The following NYAP1 variants were observed in gnomAD, a reference collection of about 807,000 sequenced individuals.
The protein encoded by NYAP1 is neuronal tyrosine-phosphorylated phosphoinositide-3-kinase adapter 1.
A neutral mutation model predicts 58.6 loss-of-function variants in NYAP1; 20 were observed. That is an observed-to-expected ratio of 0.34 (90% CI 0.24 to 0.50). The LOEUF (loss-of-function observed/expected upper bound fraction) is 0.50, where lower values mean the gene tolerates loss of function less well. Among genes scored for constraint, NYAP1 ranks in the 20% least tolerant of loss-of-function variants. The pLI, the probability that NYAP1 is intolerant of heterozygous loss-of-function variation, is 0.98. For synonymous variants in NYAP1, 572 were observed against 523.1 expected (o/e 1.09, Z -1.27); for missense variants, 1,150 against 1,194.5 (o/e 0.96, Z 0.55).
At position 100,486,882 on chromosome 7, in the gene NYAP1, G is replaced by C. The variant is rs1289997223; in HGVS notation, c.130G>C (p.Val44Leu). Reference protein sequence around the residue: ...AGPAAGQGPGVRVRDIASLRR... With the variant: ...AGPAAGQGPGLRVRDIASLRR... ...GCCCGCGGCCGGCCAGGGGCCTGGG[G>C]TCCGCGTGCGGGACATCGCCTCGCT... The change falls in exon 3 of 7, where the codon GTC (valine) becomes CTC (leucine). Residue 44 changes from valine to leucine, a missense_variant. Coordinates refer to ENST00000300179, the MANE Select transcript of NYAP1 (RefSeq NM_173564.4). This position sits in a 1 kb window ranked among gnomAD's most constrained non-coding sequence, Gnocchi z 6.2. 1 of 1,560,230 alleles carries C rather than the reference G, an allele frequency of 6.4e-7. No individual in the cohort carries two copies. Among genetic ancestry groups the C allele is most frequent in the Non-Finnish European group, 8.6e-7 (1 of 1,156,688 alleles).
rs1799786851 is a variant in NYAP1, at chr7:100,490,889, CA to C, written c.2159-96del. Reference sequence around the variant, plus strand: ...CACCCCTTTTTCCCTTCTGATGAGGCAGGGGCAGCCTGGACCATTCAAGGGC... The same window carrying C: ...CACCCCTTTTTCCCTTCTGATGAGGCGGGGCAGCCTGGACCATTCAAGGGC... On this transcript the variant is annotated intron_variant, in intron 5 of 6. Coordinates refer to ENST00000300179, the MANE Select transcript of NYAP1 (RefSeq NM_173564.4). The surrounding 1 kb of genome is among the most constrained non-coding windows in gnomAD (Gnocchi z 4.6). 9.3e-7 allele frequency: 1 copy of C among 1,070,934 alleles called. No individual in the cohort carries two copies. The highest frequency in any genetic ancestry group is 1.3e-6 in the Non-Finnish European group (1 of 745,556). 66.3% of individuals were successfully genotyped at this position (1,070,934 alleles called of 1,614,324 possible).
chr7:100,488,054 A>C lies in NYAP1; in HGVS notation c.431-98A>C. 2.5e-6 allele frequency: 2 copies of C among 813,762 alleles called. No individual in the cohort carries two copies. Among genetic ancestry groups the C allele is most frequent in the Non-Finnish European group, 3.9e-6 (2 of 515,546 alleles). 50.4% of individuals were successfully genotyped at this position (813,762 alleles called of 1,614,324 possible). ...ATGTGGGGAAAAGGAAGAGGCAGAT[A>C]TGTCCTTGCAGAAGGGTCAAGGGAT... On this transcript the variant is annotated intron_variant, in intron 3 of 6. Coordinates refer to ENST00000300179, the MANE Select transcript of NYAP1 (RefSeq NM_173564.4). This position sits in a 1 kb window ranked among gnomAD's most constrained non-coding sequence, Gnocchi z 5.9.
Position 100,493,656 on chromosome 7 carries a change from C to T in NYAP1, c.2279C>T (p.Ala760Val), listed in dbSNP as rs758735867. Residue 760 changes from alanine (A) to valine (V), a missense_variant, in exon 7 of 7, where the codon GCG becomes GTG. Physicochemically the swap from Ala to Val is moderately conservative, Grantham distance 64 (BLOSUM62 0). Transcript: ENST00000300179. ...PRDALSQPHP[A>V]LPLPLPLPPQ... ...CCGCCCGCGGCACAGCCCCACCCCG[C>T]GCTGCCGCTGCCTCTGCCCCTGCCG... is the stretch of plus-strand genomic sequence containing the variant. 3.2e-6 allele frequency: 5 copies of T among 1,579,708 alleles called. No homozygotes were observed. The highest frequency in any genetic ancestry group is 3.4e-6 in the Non-Finnish European group (4 of 1,169,010).
Position 100,488,375 on chromosome 7 carries a change from G to C in NYAP1, c.654G>C (p.Glu218Asp). The change falls in exon 4 of 7, where the codon GAG (glutamate) becomes GAC (aspartate). Residue 218 changes from glutamate (E) to aspartate (D), a missense_variant. By Grantham distance (45) the Glu-to-Asp change is conservative. Coordinates refer to ENST00000300179, the MANE Select transcript of NYAP1 (RefSeq NM_173564.4). This position sits in a 1 kb window ranked among gnomAD's most constrained non-coding sequence, Gnocchi z 5.9. Reference protein sequence around the residue: ...VGAQEEPVYIEMVGDVFRGGG... With the variant: ...VGAQEEPVYIDMVGDVFRGGG... ...CCCAGGAAGAGCCTGTGTACATTGA[G>C]ATGGTGGGGGACGTCTTTAGGGGAG... The C allele has an allele frequency of 1.3e-6, 2 of 1,599,270 alleles. No homozygotes were observed. Among genetic ancestry groups the C allele is most frequent in the Non-Finnish European group, 1.7e-6 (2 of 1,173,888 alleles).
rs770336195 is a variant in NYAP1 at position 100,489,031 on chromosome 7, G to A, written c.1310G>A (p.Gly437Glu). 2.6e-6 allele frequency: 4 copies of A among 1,548,576 alleles called. No individual in the cohort carries two copies. The highest frequency in any genetic ancestry group is 3.9e-5 in the Admixed American group (2 of 50,756). Reference sequence around the variant, plus strand: ...AGCATGATCTGCCCTAAGGCGGCGGGGGCGCCGGCAGCCCCCCCTGCCCCG... The same window carrying A: ...AGCATGATCTGCCCTAAGGCGGCGGAGGCGCCGGCAGCCCCCCCTGCCCCG... ...SHSMICPKAA[G>E]APAAPPAPAA... Residue 437 changes from glycine (G) to glutamate (E), a missense_variant, in exon 4 of 7, where the codon GGG becomes GAG. Gly to Glu is a moderately conservative substitution (Grantham distance 98). Transcript: ENST00000300179.
chr7:100,489,066 C>T lies in NYAP1; in HGVS notation c.1345C>T (p.Leu449Phe). The change falls in exon 4 of 7, where the codon CTC becomes TTC. Residue 449 changes from leucine (L) to phenylalanine (F), a missense_variant. By Grantham distance (22) the Leu-to-Phe change is conservative. Transcript: ENST00000300179. ...AGCCCCCCCTGCCCCGGCCGCCTTGCTCCCCGGCCCCCCCAAGGACAAGGC... is the reference window on the plus strand; with the variant it reads ...AGCCCCCCCTGCCCCGGCCGCCTTGTTCCCCGGCCCCCCCAAGGACAAGGC... ...PAAPPAPAAL[L>F]PGPPKDKAVS... 6.5e-7 allele frequency: 1 copy of T among 1,543,836 alleles called. No individual in the cohort carries two copies. Among genetic ancestry groups the T allele is most frequent in the Non-Finnish European group, 8.7e-7 (1 of 1,145,544 alleles).
chr7:100,493,964 C>G lies in NYAP1; in HGVS notation c.*61C>G, dbSNP rs558861643. 470 of 1,323,130 alleles carry G rather than the reference C, an allele frequency of 3.6e-4. 2 individuals are homozygous for G. The African/African-American group carries it at 6.4e-3, about 18-fold the overall frequency. The allele number at this position is 1,323,130 out of a possible 1,614,324, so 82.0% of individuals were successfully genotyped here. On this transcript the variant is annotated 3_prime_UTR_variant, in exon 7 of 7. Transcript: ENST00000300179. ...GAGGGGGCGGGCACGCCTGGCTCTC[C>G]CGGGAGCCTCGCCTTGAGAGACATT...
At chr7:100,491,142 G>C in intron 6 of NYAP1, 47 bp downstream of exon 6, 1 of 1,216,470 alleles carries the variant, frequency 8.2e-7, no homozygotes, top group Non-Finnish European at 1.2e-6. Context: ...GGTGGAGAAG[G>C]CTTGAATATG....
At position 100,486,459 on chromosome 7, in the gene NYAP1, C is replaced by T. The variant is rs1799703518; in HGVS notation, c.69-362C>T. Among the ~76,000 whole-genome samples, 1 of 152,000 alleles carries T rather than the reference C, an allele frequency of 6.6e-6. No homozygotes were observed. Among genetic ancestry groups the T allele is most frequent in the African/African-American group, 2.4e-5 (1 of 41,402 alleles). ...TGGGCCACTGTGAGAGTGAGAGGGG[C>T]CAAGGAGCTGTGGGGGGCAGGCGTG... On this transcript the variant is annotated intron_variant, in intron 2 of 6. Transcript: ENST00000300179. The surrounding 1 kb of genome is among the most constrained non-coding windows in gnomAD (Gnocchi z 6.2).
Position 100,489,282 on chromosome 7 carries a change from G to C in NYAP1, c.1561G>C (p.Ala521Pro), listed in dbSNP as rs115911581. The change falls in exon 4 of 7, where the codon GCA (alanine) becomes CCA (proline). Residue 521 changes from alanine to proline, a missense_variant. Coordinates refer to ENST00000300179, the MANE Select transcript of NYAP1 (RefSeq NM_173564.4). ...TSPHGGAMGA[A>P]AGVLHHRGCL... Reference sequence around the variant, plus strand: ...CCCCCACGGTGGGGCCATGGGCGCAGCAGCTGGGGTCCTCCACCACCGCGG... The same window carrying C: ...CCCCCACGGTGGGGCCATGGGCGCACCAGCTGGGGTCCTCCACCACCGCGG... 6.8e-4 allele frequency: 1,091 copies of C among 1,599,736 alleles called. 7 individuals are homozygous for C. In the African/African-American group the frequency reaches 0.013, roughly 19 times the overall value.
intron 6 of NYAP1, among the ~76,000 whole-genome samples, chr7:100,491,651 C>T (rs1799797169): frequency 6.6e-6 from 1 of 151,584 alleles, no homozygotes; most frequent in Non-Finnish European, 1.5e-5. Flanking sequence ...GTGGCTTACG[C>T]CTGTAATCAC....
Position 100,489,585 on chromosome 7 carries a change from G to C in NYAP1, c.1864G>C (p.Val622Leu). 1 of 1,613,130 alleles carries C rather than the reference G, an allele frequency of 6.2e-7. No homozygotes were observed. The highest frequency in any genetic ancestry group is 8.5e-7 in the Non-Finnish European group (1 of 1,179,940). ...GACACCAGAGGAGGAAGAAGAGGAGGTGGGCGCCGCGACATTTGGGGCAGG... is the reference window on the plus strand; with the variant it reads ...GACACCAGAGGAGGAAGAAGAGGAGCTGGGCGCCGCGACATTTGGGGCAGG... ...AGTPEEEEEE[V>L]GAATFGAGWA... Residue 622 changes from valine (V) to leucine (L), a missense_variant, in exon 4 of 7, where the codon GTG becomes CTG. Physicochemically the swap from Val to Leu is conservative, Grantham distance 32. Coordinates refer to ENST00000300179, the MANE Select transcript of NYAP1 (RefSeq NM_173564.4).
In NYAP1 at chr7:100,488,485, A is replaced by G; in HGVS notation, c.764A>G (p.Glu255Gly). The G allele has an allele frequency of 6.2e-7, 1 of 1,612,090 alleles. No homozygotes were observed. The highest frequency in any genetic ancestry group is 8.5e-7 in the Non-Finnish European group (1 of 1,179,710). The change falls in exon 4 of 7, where the codon GAA (glutamate) becomes GGA (glycine). Residue 255 changes from glutamate (E) to glycine (G), a missense_variant. By Grantham distance (98) the Glu-to-Gly change is moderately conservative. Transcript: ENST00000300179. The surrounding 1 kb of genome is among the most constrained non-coding windows in gnomAD (Gnocchi z 5.9). ...TPPAGADSDS[E>G]ESEAIYEEMK... Reference sequence around the variant, plus strand: ...CCAGCGGGCGCCGACTCGGACTCTGAAGAGAGTGAGGCCATCTATGAAGAG... The same window carrying G: ...CCAGCGGGCGCCGACTCGGACTCTGGAGAGAGTGAGGCCATCTATGAAGAG...
Position 100,488,277 on chromosome 7 carries a change from C to A in NYAP1, c.556C>A (p.Pro186Thr), listed in dbSNP as rs745672956. The change falls in exon 4 of 7, where the codon CCT becomes ACT. Residue 186 changes from proline (P) to threonine (T), a missense_variant. Coordinates refer to ENST00000300179, the MANE Select transcript of NYAP1 (RefSeq NM_173564.4). This position sits in a 1 kb window ranked among gnomAD's most constrained non-coding sequence, Gnocchi z 5.9. ...FDESCPPGPS[P>T]RGGNLPLQRL... ...TGAGTCCTGCCCCCCAGGCCCCTCT[C>A]CTCGAGGGGGGAACCTGCCTCTTCA... 4 of 1,613,854 alleles carry A rather than the reference C, an allele frequency of 2.5e-6. No individual in the cohort carries two copies. Among genetic ancestry groups the A allele is most frequent in the Non-Finnish European group, 3.4e-6 (4 of 1,179,908 alleles).
chr7:100,493,645 G>A lies in NYAP1; in HGVS notation c.2269-1G>A. The A allele has an allele frequency of 6.4e-7, 1 of 1,574,352 alleles. No homozygotes were observed. The highest frequency in any genetic ancestry group is 8.6e-7 in the Non-Finnish European group (1 of 1,166,834). On this transcript the variant is annotated splice_acceptor_variant, in intron 6 of 6. Transcript: ENST00000300179. LOFTEE classifies it high-confidence loss of function. ...TCCTTTCTCCCCCGCCCGCGGCACA[G>A]CCCCACCCCGCGCTGCCGCTGCCTC...
In NYAP1 at chr7:100,488,669, C is replaced by A. The variant is rs1173184886; in HGVS notation, c.948C>A (p.Thr316=). 1 of 1,611,616 alleles carries A rather than the reference C, an allele frequency of 6.2e-7. No individual in the cohort carries two copies. Among genetic ancestry groups the A allele is most frequent in the South Asian group, 1.1e-5 (1 of 91,008 alleles). Residue 316 remains threonine, a synonymous_variant, in exon 4 of 7, where the codon ACC becomes ACA. Coordinates refer to ENST00000300179, the MANE Select transcript of NYAP1 (RefSeq NM_173564.4). The surrounding 1 kb of genome is among the most constrained non-coding windows in gnomAD (Gnocchi z 5.9). The part of the protein sequence containing the change: ...ALPSRRDGTP[T]KTTPCEIPPP... ...CGAGCCGGAGGGACGGGACGCCCAC[C>A]AAGACCACTCCTTGTGAAATCCCCC... is the stretch of plus-strand genomic sequence containing the variant.
intron 1 of NYAP1, among the ~76,000 whole-genome samples, 196 bp downstream of exon 1, chr7:100,484,197 G>A (rs1005575301): frequency 6.6e-6 from 1 of 152,118 alleles, no homozygotes; most frequent in African/African-American, 2.4e-5. Context: ...ACAGGGGAAG[G>A]GGGAGGACGG....
rs1385426196 is a variant in NYAP1 at position 100,490,936 on chromosome 7, A to C, written c.2159-50A>C. On this transcript the variant is annotated intron_variant, in intron 5 of 6. Transcript: ENST00000300179. The surrounding 1 kb of genome is among the most constrained non-coding windows in gnomAD (Gnocchi z 4.6). ...AGGGCAGGGGACTGGGAACTAGGGG[A>C]GGGGTACCTGAGGCCCCTGCACTCC... 8.0e-7 allele frequency: 1 copy of C among 1,252,320 alleles called. No individual in the cohort carries two copies. The highest frequency in any genetic ancestry group is 1.5e-5 in the African/African-American group (1 of 66,626). 77.6% of individuals were successfully genotyped at this position (1,252,320 alleles called of 1,614,324 possible). A position where few individuals can be genotyped will look rare whatever the true frequency, so the allele number is the denominator to read the frequency against.
rs1394318959 is a variant in NYAP1, at chr7:100,486,471, G to C, written c.69-350G>C. Among the ~76,000 whole-genome samples, 1 of 152,048 alleles carries C rather than the reference G, an allele frequency of 6.6e-6. No homozygotes were observed. Among genetic ancestry groups the C allele is most frequent in the East Asian group, 1.9e-4 (1 of 5,196 alleles). On this transcript the variant is annotated intron_variant, in intron 2 of 6. Transcript: ENST00000300179. The surrounding 1 kb of genome is among the most constrained non-coding windows in gnomAD (Gnocchi z 6.2). Reference sequence around the variant, plus strand: ...AGAGTGAGAGGGGCCAAGGAGCTGTGGGGGGCAGGCGTGTCCATCTGTGTT... The same window carrying C: ...AGAGTGAGAGGGGCCAAGGAGCTGTCGGGGGCAGGCGTGTCCATCTGTGTT...
Sources: allele counts gnomAD v4.1 joint callset (sites outside exome capture counted in the v4.1 genomes callset), GRCh38; gene constraint gnomAD v4.1.1; non-coding constraint Gnocchi (gnomAD v3.1); transcripts MANE v1.5; gene names NCBI Gene and HGNC (gene_info 2026-07-23, HGNC 2026-07-21).